The following PDE4D variants were observed in gnomAD, a reference collection of about 807,000 sequenced individuals.
The protein encoded by PDE4D is 3',5'-cyclic-AMP phosphodiesterase 4D.
Under a neutral mutation model 87.4 loss-of-function variants are expected in PDE4D, and 24 were observed. The ratio of observed to expected loss-of-function variants is 0.27; its 90% CI spans 0.20 to 0.39. PDE4D has a LOEUF of 0.39. Among genes scored for constraint, PDE4D ranks in the 10% least tolerant of loss-of-function variants. The pLI is 1.00. For synonymous variants in PDE4D, 384 were observed against 383.2 expected (o/e 1.00, Z -0.02); for missense variants, 714 against 1,041.0 (o/e 0.69, Z 4.32).
At chr5:60,134,648 C>G (rs1460999244) in intron 2 of PDE4D, among the ~76,000 whole-genome samples, 1 of 152,210 alleles carries the variant, frequency 6.6e-6, no homozygotes, top group Admixed American at 6.5e-5. Context: ...TTGCCTATAA[C>G]CCATTCACAT....
At chr5:60,285,325 CA>C (rs34158012) in intron 1 of PDE4D, among the ~76,000 whole-genome samples, 27,454 of 151,834 alleles carry the variant, frequency 0.18, 3,050 homozygotes, top group African/African-American at 0.31. Context: ...ATGTCATAGA[CA>C]TTGGTGTGCA....
At chr5:59,790,140 A>G (rs1044323141) in intron 1 of PDE4D, among the ~76,000 whole-genome samples, 4 of 152,194 alleles carry the variant, frequency 2.6e-5, no homozygotes, top group African/African-American at 9.6e-5. Flanking sequence ...CTTACAGGGG[A>G]CAGTAGTTTA....
chr5:59,202,749 C>A (rs764215004), intron 2 of PDE4D, among the ~76,000 whole-genome samples: 18 of 152,036 alleles, frequency 1.2e-4, no homozygotes, highest in Non-Finnish European at 2.5e-4. Flanking sequence ...TTGCCTGTTG[C>A]CATCCACATA....
At chr5:59,570,646 C>T (rs79179198) in intron 1 of PDE4D, among the ~76,000 whole-genome samples, 1 of 147,066 alleles carries the variant, frequency 6.8e-6, no homozygotes, top group Non-Finnish European at 1.5e-5. Context: ...GACAAATATG[C>T]AAAAAAAAAA....
intron 1 of PDE4D, among the ~76,000 whole-genome samples, chr5:60,218,406 C>T (rs1461882393): frequency 1.3e-5 from 2 of 151,864 alleles, no homozygotes; most frequent in Non-Finnish European, 2.9e-5. Flanking sequence ...TGCTTTATAT[C>T]TTGGTTCAAG....
chr5:59,801,167 G>C (rs1767084753), intron 1 of PDE4D, among the ~76,000 whole-genome samples: 1 of 152,138 alleles, frequency 6.6e-6, no homozygotes, highest in African/African-American at 2.4e-5. Context: ...GAGAACAACT[G>C]TCATAGCTTG....
At chr5:59,062,586 T>G in intron 5 of PDE4D, among the ~76,000 whole-genome samples, 1 of 152,094 alleles carries the variant, frequency 6.6e-6, no homozygotes, top group East Asian at 1.9e-4. Flanking sequence ...TGTGCAGTTT[T>G]CTCTCAGGTG....
intron 1 of PDE4D, among the ~76,000 whole-genome samples, chr5:59,273,783 T>C (rs1387614641): frequency 6.6e-6 from 1 of 152,112 alleles, no homozygotes; most frequent in African/African-American, 2.4e-5. Context: ...TATGAAAATA[T>C]CCCATACAAT....
At chr5:60,172,265 TAC>T (rs58938460) in intron 2 of PDE4D, among the ~76,000 whole-genome samples, 1,517 of 140,884 alleles carry the variant, frequency 0.011, 20 homozygotes, top group African/African-American at 0.031. Context: ...AGTACTTCAA[TAC>T]ACACACACAC....
intron 1 of PDE4D, among the ~76,000 whole-genome samples, chr5:60,497,708 C>T (rs26955): frequency 0.53 from 80,849 of 152,022 alleles, 22,227 homozygotes; most frequent in African/African-American, 0.68. Flanking sequence ...CACCAGCCAC[C>T]TGTAATTCTT....
chr5:60,205,031 G>A (rs997993346), intron 1 of PDE4D, among the ~76,000 whole-genome samples: 12 of 152,100 alleles, frequency 7.9e-5, no homozygotes, highest in African/African-American at 2.2e-4. Context: ...TTGTAGCCAC[G>A]TGTGCCCCGT....
intron 1 of PDE4D, among the ~76,000 whole-genome samples, chr5:59,337,805 G>C (rs985462298): frequency 1.3e-5 from 2 of 152,120 alleles, no homozygotes; most frequent in Admixed American, 1.3e-4. Context: ...TGCCTTTGAA[G>C]TGAATTGGGG....
At chr5:60,146,772 C>T (rs1781033614) in intron 2 of PDE4D, among the ~76,000 whole-genome samples, 1 of 151,982 alleles carries the variant, frequency 6.6e-6, no homozygotes, top group Non-Finnish European at 1.5e-5. Flanking sequence ...ATACAGAACT[C>T]AATAGCAAGA....
intron 1 of PDE4D, among the ~76,000 whole-genome samples, chr5:59,397,763 A>T (rs1789722912): frequency 8.3e-6 from 1 of 120,580 alleles, no homozygotes; most frequent in Non-Finnish European, 1.8e-5. Context: ...AGACACAAAA[A>T]ACCCTTCAAA....
At position 60,347,677 on chromosome 5, in the gene PDE4D, A is replaced by C. The variant is rs1001505863; in HGVS notation, c.-90+140265T>G. ...CAGACACCAAAATCAATGAGAAAGC[A>C]CAAGTCTAGACAGCTAAAAGCACTA... On this transcript the variant is annotated intron_variant, in intron 1 of 16. Transcript: ENST00000502484. Among the ~76,000 whole-genome samples, 3 of 152,262 alleles carry C rather than the reference A, an allele frequency of 2.0e-5. No individual in the cohort carries two copies. The East Asian group carries it at 5.8e-4, about 29-fold the overall frequency.
At chr5:59,112,040 T>C (rs1369887996) in intron 5 of PDE4D, among the ~76,000 whole-genome samples, 3 of 152,026 alleles carry the variant, frequency 2.0e-5, no homozygotes, top group South Asian at 2.1e-4. Context: ...ATACATACAA[T>C]AGAGCAGACA....
chr5:59,559,769 C>A (rs947620933), intron 1 of PDE4D, among the ~76,000 whole-genome samples: 1 of 152,134 alleles, frequency 6.6e-6, no homozygotes, highest in Non-Finnish European at 1.5e-5. Context: ...CTTCTTACAG[C>A]ACTCAAAAAG....
chr5:59,903,008 T>G (rs928662123), intron 3 of PDE4D, among the ~76,000 whole-genome samples: 2 of 152,174 alleles, frequency 1.3e-5, no homozygotes, highest in African/African-American at 4.8e-5. Context: ...ATAAAAATTT[T>G]TGTGAAGTGG....
In PDE4D at chr5:60,131,886, T is replaced by A. The variant is rs16890528; in HGVS notation, c.42+53671A>T. On this transcript the variant is annotated intron_variant, in intron 2 of 16. Coordinates refer to the PDE4D transcript ENST00000502484. Reference sequence around the variant, plus strand: ...GGCTTATCTGAAACTGGAGCCTTGTTAGCTTCTGCCATGTTATTAGGGCTT... The same window carrying A: ...GGCTTATCTGAAACTGGAGCCTTGTAAGCTTCTGCCATGTTATTAGGGCTT... Among the ~76,000 whole-genome samples, 1,052 of 152,366 alleles carry A rather than the reference T, an allele frequency of 6.9e-3. 10 individuals are homozygous for A. Among genetic ancestry groups the A allele is most frequent in the African/African-American group, 0.024 (1,001 of 41,596 alleles).
Sources: gnomAD v4.1 joint callset for allele counts (sites outside exome capture counted in the v4.1 genomes callset) on GRCh38, gnomAD v4.1.1 for gene constraint, MANE v1.5 for transcripts, NCBI Gene and HGNC (gene_info 2026-07-23, HGNC 2026-07-21) for gene names.